CHD8: variants seen among roughly 807,000 people sequenced by gnomAD.
CHD8 encodes the protein chromodomain helicase DNA binding protein 8, also known as ATP-dependent chromatin remodeler CHD8.
CHD8 carries 31 observed loss-of-function variants against 279.2 expected under a neutral mutation model. The observed-to-expected ratio is 0.11, with a 90% confidence interval of 0.08 to 0.15. The LOEUF is 0.15. Among genes scored for constraint, CHD8 ranks in the 10% least tolerant of loss-of-function variants. CHD8 has a pLI of 1.00. For synonymous variants in CHD8, 1,081 were observed against 1,139.6 expected (o/e 0.95, Z 1.04); for missense variants, 2,146 against 3,230.5 (o/e 0.66, Z 8.14).
At position 21,449,678 on chromosome 14, in the gene CHD8, A is replaced by G. The variant is rs1043647045; in HGVS notation, c.-216+6354T>C. Among the ~76,000 whole-genome samples, 6 of 152,326 alleles carry G rather than the reference A, an allele frequency of 3.9e-5. No individual in the cohort carries two copies. The South Asian group carries it at 1.0e-3, about 26-fold the overall frequency. ...GAGTAACATCCCAGGTAATTCAACT[A>G]ATCACTTTTATGTTTGTAGGAATAT... On this transcript the variant is annotated intron_variant, in intron 1 of 37. Transcript: ENST00000646647.
At position 21,391,018 on chromosome 14, in the gene CHD8, T is replaced by G. The variant is rs1400099926; in HGVS notation, c.7111A>C (p.Asn2371His). Residue 2371 changes from asparagine to histidine, a missense_variant, in exon 37 of 38, where the codon AAT (asparagine) becomes CAT (histidine). Transcript: ENST00000646647. ...AAACAGTTCAATTCTGCCTTATTATTTTTTTTACATCTTTGCCACTTCTGT... is the reference window on the plus strand; with the variant it reads ...AAACAGTTCAATTCTGCCTTATTATGTTTTTTACATCTTTGCCACTTCTGT... ...RKQKWQRCKKNNKAELNCLGM... is the reference protein window; with the variant it reads ...RKQKWQRCKKHNKAELNCLGM... 1.2e-6 allele frequency: 2 copies of G among 1,602,572 alleles called. No homozygotes were observed. Among genetic ancestry groups the G allele is most frequent in the Middle Eastern group, 1.7e-4 (1 of 6,044 alleles).
intron 27 of CHD8, 81 bp from the exon 28 acceptor site, chr14:21,395,973 C>T: frequency 2.4e-6 from 2 of 832,866 alleles, no homozygotes; most frequent in Non-Finnish European, 4.1e-6. Context: ...GACCTAGCCA[C>T]ACATATATCC....
Position 21,426,166 on chromosome 14 carries a change from C to T in CHD8, c.1678G>A (p.Ala560Thr). The change falls in exon 5 of 38, where the codon GCA (alanine) becomes ACA (threonine). Residue 560 changes from alanine to threonine, a missense_variant. This residue lies in a region of CHD8 where 123 missense variants were observed against 169.2 expected (regional missense o/e 0.73). Coordinates refer to ENST00000646647, the MANE Select transcript of CHD8 (RefSeq NM_001170629.2). ...SDNSDVEVMP[A>T]QSPREDEESS... ...TCTTCATCTTCTCGAGGTGACTGTG[C>T]AGGCATGACTTCCACATCTGAATTA... 6.2e-7 allele frequency: 1 copy of T among 1,611,362 alleles called. No individual in the cohort carries two copies. Among genetic ancestry groups the T allele is most frequent in the East Asian group, 2.2e-5 (1 of 44,850 alleles).
At chr14:21,447,130 G>A (rs1304521719) in intron 1 of CHD8, among the ~76,000 whole-genome samples, 1 of 152,176 alleles carries the variant, frequency 6.6e-6, no homozygotes, top group Non-Finnish European at 1.5e-5. Flanking sequence ...TTTCCTACCA[G>A]AAACATTCAG....
intron 1 of CHD8, among the ~76,000 whole-genome samples, chr14:21,452,259 C>T (rs1195815094): frequency 1.3e-5 from 2 of 150,540 alleles, no homozygotes; most frequent in Non-Finnish European, 3.0e-5. Context: ...GGCTAGGATG[C>T]CCGCCTTGGC....
At chr14:21,434,247 G>C (rs570790080) in intron 1 of CHD8, among the ~76,000 whole-genome samples, 4 of 152,036 alleles carry the variant, frequency 2.6e-5, no homozygotes, top group African/African-American at 9.6e-5. Flanking sequence ...TTTTCGCCAC[G>C]TTAGTCAGAC....
rs192503245 is a variant in CHD8 at position 21,419,067 on chromosome 14, T to A, written c.1717-3160A>T. Among the ~76,000 whole-genome samples the A allele has an allele frequency of 1.2e-4, 18 of 152,362 alleles. No homozygotes were observed. The East Asian group carries it at 2.5e-3, about 21-fold the overall frequency. ...ATGATATGTATATTCTACGTCATTT[T>A]AAAAAGTCTGGGAGGATATATAAAC... On this transcript the variant is annotated intron_variant, in intron 5 of 37. Transcript: ENST00000646647.
At chr14:21,448,910 C>G (rs540353683) in intron 1 of CHD8, among the ~76,000 whole-genome samples, 1 of 150,298 alleles carries the variant, frequency 6.7e-6, no homozygotes, top group East Asian at 2.0e-4. Context: ...CACGGTGGCT[C>G]ACGCCTGTAA....
Position 21,415,634 on chromosome 14 carries a change from G to C in CHD8, c.1908C>G (p.Pro636=). The C allele has an allele frequency of 6.2e-7, 1 of 1,609,462 alleles. No individual in the cohort carries two copies. Among genetic ancestry groups the C allele is most frequent in the Non-Finnish European group, 8.5e-7 (1 of 1,177,816 alleles). Residue 636 remains proline (P), a synonymous_variant, in exon 7 of 38, where the codon CCC becomes CCG. Coordinates refer to ENST00000646647, the MANE Select transcript of CHD8 (RefSeq NM_001170629.2). ...CTACAATGGCTGCATCTTCTTCACT[G>C]GGATTCTCCTGCAGCAAAAGATGCA... ...LPSMQFFVEN[P]SEEDAAIVDK...
At chr14:21,399,458 G>A (rs1594339051) in intron 26 of CHD8, 144 bp downstream of exon 26, 1 of 640,632 alleles carries the variant, frequency 1.6e-6, no homozygotes, top group East Asian at 2.8e-5. Context: ...CTCTGCTCTG[G>A]ATATTTAAGA....
chr14:21,424,466 C>CTT (rs1555317618), intron 5 of CHD8, among the ~76,000 whole-genome samples: 2 of 151,338 alleles, frequency 1.3e-5, no homozygotes, highest in Non-Finnish European at 2.9e-5. Flanking sequence ...CTCGACTATT[C>CTT]TTTTGTTTTG....
chr14:21,408,593 A>ATAC lies in CHD8; in HGVS notation c.2487-41_2487-39dup. The stretch of plus-strand genomic sequence containing the variant: ...CATGGGAAAAAAAAAATGTTAAAAG[A>ATAC]TACTATCTTTAAAAAAAATAGAGTA... On this transcript the variant is annotated intron_variant, in intron 12 of 37. Transcript: ENST00000646647. This position sits in a 1 kb window ranked among gnomAD's most constrained non-coding sequence, Gnocchi z 4.3. The ATAC allele has an allele frequency of 6.3e-7, 1 of 1,583,054 alleles. No homozygotes were observed. The highest frequency in any genetic ancestry group is 8.6e-7 in the Non-Finnish European group (1 of 1,165,518).
At chr14:21,442,167 G>GGTC in intron 1 of CHD8, among the ~76,000 whole-genome samples, 1 of 152,224 alleles carries the variant, frequency 6.6e-6, no homozygotes, top group South Asian at 2.1e-4. Context: ...GGTAACAAAG[G>GGTC]GAGACTGTTT....
chr14:21,392,071 TCTGACTAAAGGGTAAAA>T, intron 34 of CHD8, 125 bp from the exon 35 acceptor site: 1 of 788,444 alleles, frequency 1.3e-6, no homozygotes, highest in Non-Finnish European at 2.3e-6. Context: ...AGGAAGGCCA[TCTGACTAAAGGGTAAAA>T]TTAGAAATAC....
At chr14:21,399,865 T>C (rs528584787) in intron 25 of CHD8, 116 bp downstream of exon 25, 2 of 1,032,578 alleles carry the variant, frequency 1.9e-6, no homozygotes, top group Non-Finnish European at 3.0e-6. Context: ...ATTAAAGACC[T>C]GATATATAGA....
At chr14:21,399,747 A>T in intron 25 of CHD8, 42 bp from the exon 26 acceptor site, 1 of 1,348,634 alleles carries the variant, frequency 7.4e-7, no homozygotes, top group South Asian at 1.2e-5. Flanking sequence ...AAATGCAGGA[A>T]ATTAAAGTGA....
intron 35 of CHD8, 74 bp downstream of exon 35, chr14:21,391,759 C>G: frequency 6.6e-7 from 1 of 1,519,538 alleles, no homozygotes; most frequent in Non-Finnish European, 9.1e-7. Flanking sequence ...TCCCCCAGTC[C>G]CACTGCCTTC....
chr14:21,401,707 C>A (rs1405102263), intron 20 of CHD8, 194 bp from the exon 21 acceptor site: 1 of 582,742 alleles, frequency 1.7e-6, no homozygotes, highest in African/African-American at 1.9e-5. Flanking sequence ...GCCTCAGCCT[C>A]CCGAGTAGCT....
chr14:21,423,721 C>A (rs1889160751), intron 5 of CHD8, among the ~76,000 whole-genome samples: 1 of 152,120 alleles, frequency 6.6e-6, no homozygotes, highest in South Asian at 2.1e-4. Context: ...ACTTGGGGGA[C>A]ACATTCATCC....
Sources: gnomAD v4.1 joint callset for allele counts (sites outside exome capture counted in the v4.1 genomes callset) on GRCh38, gnomAD v4.1.1 for gene constraint, gnomAD v4.1.1 regional missense constraint, Gnocchi (gnomAD v3.1) non-coding constraint, MANE v1.5 for transcripts, NCBI Gene and HGNC (gene_info 2026-07-23, HGNC 2026-07-21) for gene names.